ZGRF1: variants seen among roughly 807,000 people sequenced by gnomAD.
ZGRF1 encodes zinc finger GRF-type containing 1, also known as 5'-3' DNA helicase ZGRF1.
Under a neutral mutation model 203.5 loss-of-function variants are expected in ZGRF1, and 196 were observed. The ratio of observed to expected loss-of-function variants is 0.96; its 90% CI spans 0.86 to 1.08. The LOEUF (loss-of-function observed/expected upper bound fraction) is 1.08. Among genes scored for constraint, ZGRF1 ranks in the 50% least tolerant of loss-of-function variants. The probability of loss-of-function intolerance (pLI) is 0.00; values close to 1 mark genes in which losing one functional copy is unlikely to be tolerated. For missense variants in ZGRF1, 2,326 were observed against 2,416.3 expected, an observed-to-expected ratio of 0.96 and a Z score of 0.78; for synonymous variants, 809 against 841.3, an observed-to-expected ratio of 0.96 and a Z score of 0.66.
chr4:112,576,746 T>C (rs1745307429), intron 16 of ZGRF1, among the ~76,000 whole-genome samples: 2 of 151,912 alleles, frequency 1.3e-5, no homozygotes, highest in East Asian at 1.9e-4. Context: ...TAAAAAGAAA[T>C]GAACCAAGCC....
intron 6 of ZGRF1, among the ~76,000 whole-genome samples, chr4:112,615,426 GT>G (rs1384741640): frequency 6.6e-6 from 1 of 151,888 alleles, no homozygotes; most frequent in Non-Finnish European, 1.5e-5. Context: ...GTTTCACCAT[GT>G]TGGCCAGGCT....
At position 112,616,394 on chromosome 4, in the gene ZGRF1, G is replaced by A. The variant is rs191718288; in HGVS notation, c.2602+1046C>T. ...AAAAAAATTAGCTGGGCATGGTGGC[G>A]GGTGCCTGTAATTCCAGCTACTGGG... On this transcript the variant is annotated intron_variant, in intron 6 of 27. Coordinates refer to ENST00000505019, the MANE Select transcript of ZGRF1 (RefSeq NM_018392.5). 2.8e-3 allele frequency among the ~76,000 whole-genome samples: 430 copies of A among 151,874 alleles called. 13 individuals carry two copies. The highest frequency in any genetic ancestry group is 0.025 in the Admixed American group (386 of 15,230).
chr4:112,561,103 G>GT, intron 18 of ZGRF1, 108 bp from the exon 19 acceptor site: 2 of 833,584 alleles, frequency 2.4e-6, no homozygotes, highest in East Asian at 2.6e-5. Context: ...ACAGAGAACA[G>GT]TTTTTTATGG....
intron 11 of ZGRF1, chr4:112,589,489 GT>G: frequency 3.7e-6 from 2 of 544,694 alleles, no homozygotes; most frequent in Non-Finnish European, 6.5e-6. Flanking sequence ...TCAGGGGTCT[GT>G]GTTGACAAAG....
chr4:112,612,463 C>T, intron 7 of ZGRF1, 61 bp downstream of exon 7: 2 of 1,094,020 alleles, frequency 1.8e-6, no homozygotes, highest in South Asian at 2.8e-5. Context: ...AATTCTATTA[C>T]AAATTATAGA....
At chr4:112,623,693 GC>G (rs1376788216) in intron 4 of ZGRF1, 123 bp downstream of exon 4, 6 of 612,256 alleles carry the variant, frequency 9.8e-6, no homozygotes, top group Non-Finnish European at 1.2e-5. Flanking sequence ...ACAAAGTCTA[GC>G]TATAATGTTC....
At chr4:112,619,783 T>A in intron 5 of ZGRF1, 93 bp from the exon 6 acceptor site, 1 of 1,120,184 alleles carries the variant, frequency 8.9e-7, no homozygotes, top group Non-Finnish European at 1.3e-6. Flanking sequence ...AAGGATTGTT[T>A]CTGGTTTGCC....
chr4:112,592,009 G>C (rs1001215786), intron 10 of ZGRF1, among the ~76,000 whole-genome samples: 3 of 151,706 alleles, frequency 2.0e-5, no homozygotes, highest in Admixed American at 2.0e-4. Flanking sequence ...AGAAATATTT[G>C]TCAAATGAGT....
Position 112,541,698 on chromosome 4 carries a change from T to C in ZGRF1, c.5599-430A>G, listed in dbSNP as rs1737648680. On this transcript the variant is annotated intron_variant, in intron 24 of 27. Transcript: ENST00000505019. ...CACCCACCATCATGCATGGCTAATT[T>C]TTGTATTTTTGTAGAGACGGGGTTT... is the stretch of plus-strand genomic sequence containing the variant. 2.6e-5 allele frequency among the ~76,000 whole-genome samples: 4 copies of C among 152,022 alleles called. No homozygotes were observed. The South Asian group carries it at 8.3e-4, about 32-fold the overall frequency.
chr4:112,608,456 T>C (rs1330236570), intron 8 of ZGRF1, among the ~76,000 whole-genome samples: 1 of 151,850 alleles, frequency 6.6e-6, no homozygotes, highest in Non-Finnish European at 1.5e-5. Context: ...CCATCTCTAC[T>C]AAAAAAATAC....
intron 10 of ZGRF1, among the ~76,000 whole-genome samples, chr4:112,600,895 CG>C (rs1424430766): frequency 3.9e-5 from 6 of 152,198 alleles, no homozygotes; most frequent in Admixed American, 3.9e-4. Flanking sequence ...TCCCAGAGAT[CG>C]GGGCCTTCGC....
chr4:112,569,609 G>C (rs553479683), intron 16 of ZGRF1, among the ~76,000 whole-genome samples: 1 of 152,112 alleles, frequency 6.6e-6, no homozygotes, highest in African/African-American at 2.4e-5. Context: ...TTTATTGGGG[G>C]CAGGGATAAG....
chr4:112,599,825 C>A (rs1316828292), intron 10 of ZGRF1, among the ~76,000 whole-genome samples: 1 of 152,034 alleles, frequency 6.6e-6, no homozygotes, highest in African/African-American at 2.4e-5. Flanking sequence ...TATATGGACC[C>A]TTGATTCATG....
In ZGRF1 at chr4:112,617,674, T is replaced by A; in HGVS notation, c.2368A>T (p.Lys790Ter). 1 of 1,614,026 alleles carries A rather than the reference T, an allele frequency of 6.2e-7. No homozygotes were observed. Among genetic ancestry groups the A allele is most frequent in the Non-Finnish European group, 8.5e-7 (1 of 1,179,970 alleles). Reference sequence around the variant, plus strand: ...TGGTCAGGGGGTGGACTTCTAATCTTTCCCAAATCTTCAGGTTCAGATATA... The same window carrying A: ...TGGTCAGGGGGTGGACTTCTAATCTATCCCAAATCTTCAGGTTCAGATATA... ...AHISEPEDLG[K>*]IRSPPPDHVE... is the part of the protein sequence containing the mutation. The change falls in exon 6 of 28, where the codon AAG becomes TAG. Residue 790 changes from lysine (K) to a stop codon, truncating the protein, a stop_gained. Transcript: ENST00000505019. LOFTEE classifies it high-confidence loss of function.
chr4:112,546,669 T>C (rs1395122064), intron 24 of ZGRF1: 1 of 152,236 alleles, frequency 6.6e-6, no homozygotes, highest in Non-Finnish European at 1.5e-5. Context: ...ATTAATGCCA[T>C]TCCTGGTATA....
At chr4:112,554,019 T>G in intron 21 of ZGRF1, 37 bp from the exon 22 acceptor site, 2 of 1,555,012 alleles carry the variant, frequency 1.3e-6, no homozygotes, top group South Asian at 1.2e-5. Flanking sequence ...CTTTATTCCA[T>G]TTTTCATAAC....
intron 19 of ZGRF1, among the ~76,000 whole-genome samples, chr4:112,558,712 A>G (rs111463117): frequency 6.6e-6 from 1 of 152,214 alleles, no homozygotes; most frequent in Non-Finnish European, 1.5e-5. Flanking sequence ...TCCCTCCTCC[A>G]TTTAATTAAT....
chr4:112,582,087 T>A (rs1185688896), intron 15 of ZGRF1, among the ~76,000 whole-genome samples: 1 of 152,202 alleles, frequency 6.6e-6, no homozygotes, highest in Non-Finnish European at 1.5e-5. Context: ...TATATAATAG[T>A]TACACATATT....
chr4:112,560,674 G>C (rs1318914158), intron 19 of ZGRF1, 59 bp downstream of exon 19: 30 of 1,364,754 alleles, frequency 2.2e-5, no homozygotes, highest in Non-Finnish European at 2.8e-5. Flanking sequence ...GGAGCAGACT[G>C]AGTTACAAAA....
Sources: allele counts gnomAD v4.1 joint callset (sites outside exome capture counted in the v4.1 genomes callset), GRCh38; gene constraint gnomAD v4.1.1; transcripts MANE v1.5; gene names NCBI Gene and HGNC (gene_info 2026-07-23, HGNC 2026-07-21).